PCNX4: variants seen among roughly 807,000 people sequenced by gnomAD.
PCNX4 encodes pecanex-like protein 4.
Under a neutral mutation model 107.2 loss-of-function variants are expected in PCNX4, and 103 were observed. The ratio of observed to expected loss-of-function variants is 0.96; its 90% CI spans 0.82 to 1.13. The LOEUF (loss-of-function observed/expected upper bound fraction) is 1.13, where lower values mean the gene tolerates loss of function less well. PCNX4 is among the 50% of genes most tolerant of loss of function. PCNX4 has a pLI of 0.00. For synonymous variants in PCNX4, 541 were observed against 481.7 expected, an observed-to-expected ratio of 1.12 and a Z score of -1.61; for missense variants, 1,528 against 1,379.4, an observed-to-expected ratio of 1.11 and a Z score of -1.71.
rs1180806893 is a variant in PCNX4 at position 60,118,330 on chromosome 14, T to A, written c.1580T>A (p.Val527Asp). 1.7e-5 allele frequency: 27 copies of A among 1,599,472 alleles called. No homozygotes were observed. Among genetic ancestry groups the A allele is most frequent in the Non-Finnish European group, 2.0e-5 (23 of 1,171,478 alleles). The change falls in exon 7 of 11, where the codon GTT becomes GAT. Residue 527 changes from valine to aspartate, a missense_variant and splice_region_variant. Coordinates refer to ENST00000406854, the MANE Select transcript of PCNX4 (RefSeq NM_001330177.2). ...SLDTGLRLLL[V>D]GIIRDRLIQF... Reference sequence around the variant, plus strand: ...AAAATAATTTTTACATTTCTACAGGTTGGTATCATACGTGATCGTTTGATT... The same window carrying A: ...AAAATAATTTTTACATTTCTACAGGATGGTATCATACGTGATCGTTTGATT...
chr14:60,128,291 A>G (rs1896092195), intron 10 of PCNX4, among the ~76,000 whole-genome samples: 1 of 152,212 alleles, frequency 6.6e-6, no homozygotes, highest in East Asian at 1.9e-4. Context: ...CAAATACATC[A>G]TAGTAAAAAT....
intron 7 of PCNX4, among the ~76,000 whole-genome samples, chr14:60,119,849 A>G (rs1180164844): frequency 6.6e-6 from 1 of 152,216 alleles, no homozygotes; most frequent in Non-Finnish European, 1.5e-5. Flanking sequence ...AAACAATTTG[A>G]CACTACCAAG....
rs1197489039 is a variant in PCNX4 at position 60,141,550 on chromosome 14, A to G, written c.*7329A>G. 1 of 152,246 alleles carries G rather than the reference A, an allele frequency of 6.6e-6. No individual in the cohort carries two copies. Among genetic ancestry groups the G allele is most frequent in the Non-Finnish European group, 1.5e-5 (1 of 68,040 alleles). 9.4% of individuals were successfully genotyped at this position (152,246 alleles called of 1,614,324 possible). A position where few individuals can be genotyped will look rare whatever the true frequency, so the allele number is the denominator to read the frequency against. On this transcript the variant is annotated 3_prime_UTR_variant, in exon 11 of 11. Transcript: ENST00000406854. ...AAATAATCTGATTCTTGAAAACCACAAACTATTAAAACTCAACCAAGATGA... is the reference window on the plus strand; with the variant it reads ...AAATAATCTGATTCTTGAAAACCACGAACTATTAAAACTCAACCAAGATGA...
At chr14:60,105,956 G>A (rs1895620222) in intron 1 of PCNX4, among the ~76,000 whole-genome samples, 2 of 152,160 alleles carry the variant, frequency 1.3e-5, no homozygotes, top group African/African-American at 2.4e-5. Context: ...TAGATAACTT[G>A]TGTCAGAATG....
chr14:60,093,372 C>T (rs1895349362), intron 1 of PCNX4, among the ~76,000 whole-genome samples: 2 of 152,304 alleles, frequency 1.3e-5, no homozygotes, highest in East Asian at 3.9e-4. Flanking sequence ...ATCCTTACCC[C>T]ACCAGCCATA....
At chr14:60,129,257 G>A (rs1019979707) in intron 10 of PCNX4, among the ~76,000 whole-genome samples, 13 of 136,582 alleles carry the variant, frequency 9.5e-5, no homozygotes, top group African/African-American at 3.9e-4. Context: ...AAAAAAAGAA[G>A]GATAACATAA....
intron 1 of PCNX4, among the ~76,000 whole-genome samples, chr14:60,095,313 G>T (rs1050462264): frequency 6.6e-6 from 1 of 152,150 alleles, no homozygotes; most frequent in African/African-American, 2.4e-5. Flanking sequence ...TTTTACATAA[G>T]ATAACAGACA....
chr14:60,100,688 C>T (rs1233426102), intron 1 of PCNX4, among the ~76,000 whole-genome samples: 2 of 152,212 alleles, frequency 1.3e-5, no homozygotes, highest in Non-Finnish European at 2.9e-5. Flanking sequence ...AAATTCCTGT[C>T]TAAGGGGCCT....
intron 1 of PCNX4, among the ~76,000 whole-genome samples, chr14:60,094,135 T>C (rs1895370906): frequency 6.6e-6 from 1 of 152,202 alleles, no homozygotes; most frequent in African/African-American, 2.4e-5. Flanking sequence ...CAAATTTTCT[T>C]CCATTCTATA....
At position 60,139,214 on chromosome 14, in the gene PCNX4, T is replaced by A. The variant is rs868666597; in HGVS notation, c.*4993T>A. The A allele has an allele frequency of 3.3e-5, 5 of 152,066 alleles. No homozygotes were observed. Among genetic ancestry groups the A allele is most frequent in the Non-Finnish European group, 5.9e-5 (4 of 67,946 alleles). The allele number at this position is 152,066 out of a possible 1,614,324, so 9.4% of individuals were successfully genotyped here. ...AAAGAAAACCCACAAAGTACCTTTA[T>A]GCAAGAGATGTCTTAAGTATAGGAA... On this transcript the variant is annotated 3_prime_UTR_variant, in exon 11 of 11. Coordinates refer to ENST00000406854, the MANE Select transcript of PCNX4 (RefSeq NM_001330177.2).
Position 60,114,716 on chromosome 14 carries a change from C to T in PCNX4, c.706C>T (p.Pro236Ser). 6.2e-7 allele frequency: 1 copy of T among 1,610,762 alleles called. No individual in the cohort carries two copies. The change falls in exon 3 of 11, where the codon CCA becomes TCA. Residue 236 changes from proline (P) to serine (S), a missense_variant. Coordinates refer to ENST00000406854, the MANE Select transcript of PCNX4 (RefSeq NM_001330177.2). ...TTTATATAGGTTTGTGGTAAATATG[C>T]CAGCTCTAGAACACATGAATCAGAT... ...DLAHRFVVNM[P>S]ALEHMNQILH...
rs926101868 is a variant in PCNX4, at chr14:60,098,859, A to G, written c.-54+6440A>G. ...AGGCTGAGGCAGGAGAATCGCTTGA[A>G]CCCGAGAGGCGGAGGTTGCAGTGAG... On this transcript the variant is annotated intron_variant, in intron 1 of 10. Transcript: ENST00000406854. Among the ~76,000 whole-genome samples the G allele has an allele frequency of 3.3e-5, 5 of 151,106 alleles. 1 individual carries two copies. In the South Asian group the frequency reaches 1.0e-3, roughly 32 times the overall value.
At chr14:60,102,459 T>A (rs151109004) in intron 1 of PCNX4, among the ~76,000 whole-genome samples, 1 of 152,294 alleles carries the variant, frequency 6.6e-6, no homozygotes, top group East Asian at 1.9e-4. Flanking sequence ...TATGTCTGAG[T>A]TACATACAGT....
Position 60,118,409 on chromosome 14 carries a change from A to G in PCNX4, c.1659A>G (p.Thr553=). 6.2e-7 allele frequency: 1 copy of G among 1,613,416 alleles called. No individual in the cohort carries two copies. The highest frequency in any genetic ancestry group is 1.7e-5 in the Admixed American group (1 of 59,866). The change falls in exon 7 of 11, where the codon ACA becomes ACG. Residue 553 remains threonine, a synonymous_variant. Coordinates refer to ENST00000406854, the MANE Select transcript of PCNX4 (RefSeq NM_001330177.2). The part of the protein sequence containing the change: ...FAVTVLLTSW[T]EKKQRRKTTA... The stretch of plus-strand genomic sequence containing the variant: ...TGACTGTGCTTTTGACATCATGGAC[A>G]GAGAAAAAACAACGTCGAAAAACAA...
intron 9 of PCNX4, 75 bp downstream of exon 9, chr14:60,125,326 G>T: frequency 1.5e-6 from 2 of 1,333,740 alleles, no homozygotes; most frequent in Non-Finnish European, 2.0e-6. Flanking sequence ...CGTACAAGAA[G>T]ACAGTTATTC....
Position 60,118,383 on chromosome 14 carries a change from G to A in PCNX4, c.1633G>A (p.Val545Met), listed in dbSNP as rs747116922. Residue 545 changes from valine (V) to methionine (M), a missense_variant, in exon 7 of 11, where the codon GTG becomes ATG. Val to Met is a conservative substitution (Grantham distance 21). Coordinates refer to ENST00000406854, the MANE Select transcript of PCNX4 (RefSeq NM_001330177.2). ...IQFISKLQFA[V>M]TVLLTSWTEK... ...GTTCATCTCTAAATTGCAGTTTGCCGTGACTGTGCTTTTGACATCATGGAC... is the reference window on the plus strand; with the variant it reads ...GTTCATCTCTAAATTGCAGTTTGCCATGACTGTGCTTTTGACATCATGGAC... 47 of 1,613,116 alleles carry A rather than the reference G, an allele frequency of 2.9e-5. No homozygotes were observed. Among genetic ancestry groups the A allele is most frequent in the East Asian group, 2.0e-4 (9 of 44,894 alleles).
intron 10 of PCNX4, 38 bp from the exon 11 acceptor site, chr14:60,133,930 CTT>C (rs1896200138): frequency 6.4e-7 from 1 of 1,557,720 alleles, no homozygotes; most frequent in Non-Finnish European, 8.7e-7. Flanking sequence ...AATGGAATCT[CTT>C]TTCTTTTTCT....
chr14:60,111,137 A>T (rs1280185775), intron 2 of PCNX4: 1 of 157,724 alleles, frequency 6.3e-6, no homozygotes, highest in Non-Finnish European at 1.5e-5. Flanking sequence ...GTTAGAAAAT[A>T]AATTTCTGTT....
chr14:60,124,927 G>A lies in PCNX4; in HGVS notation c.2756G>A (p.Ser919Asn), dbSNP rs763686748. The A allele has an allele frequency of 1.2e-6, 2 of 1,613,812 alleles. No homozygotes were observed. Among genetic ancestry groups the A allele is most frequent in the Non-Finnish European group, 1.7e-6 (2 of 1,179,762 alleles). Residue 919 changes from serine to asparagine, a missense_variant, in exon 9 of 11, where the codon AGC (serine) becomes AAC (asparagine). Transcript: ENST00000406854. Reference protein sequence around the residue: ...LVCLPAEWRTSCMPSSKMKEM... With the variant: ...LVCLPAEWRTNCMPSSKMKEM... ...TGCTTACCCGCAGAGTGGAGGACTA[G>A]CTGTATGCCCAGTTCCAAAATGAAG... is the stretch of plus-strand genomic sequence containing the variant.
Sources: allele counts gnomAD v4.1 joint callset (sites outside exome capture counted in the v4.1 genomes callset), GRCh38; gene constraint gnomAD v4.1.1; transcripts MANE v1.5; gene names NCBI Gene and HGNC (gene_info 2026-07-23, HGNC 2026-07-21).